Variants in TOR1AIP1 observed in about 807,000 individuals in gnomAD.
The protein encoded by TOR1AIP1 is torsin 1A interacting protein 1.
Under a neutral mutation model 63.3 loss-of-function variants are expected in TOR1AIP1, and 54 were observed. That is an observed-to-expected ratio of 0.85 (90% CI 0.69 to 1.07). TOR1AIP1 has a LOEUF of 1.07. TOR1AIP1 is among the 50% of genes least tolerant of loss of function. The probability of loss-of-function intolerance (pLI) is 0.00; values close to 1 mark genes in which losing one functional copy is unlikely to be tolerated. For missense variants in TOR1AIP1, 736 were observed against 715.0 expected (o/e 1.03, Z -0.33); for synonymous variants, 294 against 273.5 (o/e 1.07, Z -0.74).
At chr1:179,909,054 G>A (rs72708661) in intron 8 of TOR1AIP1, among the ~76,000 whole-genome samples, 18,969 of 151,986 alleles carry the variant, frequency 0.12, 1,226 homozygotes, top group Middle Eastern at 0.2. Flanking sequence ...GAGGCTACTC[G>A]GGAGGCTGAA....
Position 179,882,801 on chromosome 1 carries a change from G to T in TOR1AIP1, c.299G>T (p.Arg100Ile). 6.2e-7 allele frequency: 1 copy of T among 1,614,202 alleles called. No homozygotes were observed. Among genetic ancestry groups the T allele is most frequent in the Non-Finnish European group, 8.5e-7 (1 of 1,180,044 alleles). ...TCCGATTCTGCGAAAGAGGAAGTGA[G>T]AGAAAGCGCGTACTACCTTCGGTCT... The part of the protein sequence containing the change: ...FRSDSAKEEV[R>I]ESAYYLRSRQ... The change falls in exon 1 of 10, where the codon AGA becomes ATA. Residue 100 changes from arginine (R) to isoleucine (I), a missense_variant. Arg to Ile is a moderately conservative substitution (Grantham distance 97). Transcript: ENST00000606911.
At position 179,908,665 on chromosome 1, in the gene TOR1AIP1, G is replaced by C; in HGVS notation, c.899G>C (p.Arg300Thr). The C allele has an allele frequency of 6.2e-7, 1 of 1,613,122 alleles. No individual in the cohort carries two copies. Among genetic ancestry groups the C allele is most frequent in the Non-Finnish European group, 8.5e-7 (1 of 1,179,298 alleles). Residue 300 changes from arginine to threonine, a missense_variant, in exon 8 of 10, where the codon AGG becomes ACG. Coordinates refer to ENST00000606911, the MANE Select transcript of TOR1AIP1 (RefSeq NM_015602.4). ...CCACAAACTGCAAGAATAAGGACCA[G>C]GATGCAAAGTAAGTAGATAAATCTC... is the stretch of plus-strand genomic sequence containing the variant. ...WAPQTARIRT[R>T]MQNDSILKSE...
At chr1:179,893,261 CA>C (rs957337546) in intron 3 of TOR1AIP1, among the ~76,000 whole-genome samples, 1 of 147,178 alleles carries the variant, frequency 6.8e-6, no homozygotes, top group Non-Finnish European at 1.5e-5. Context: ...AACAAACAAA[CA>C]AACAAAAAAA....
rs758018677 is a variant in TOR1AIP1 at position 179,901,309 on chromosome 1, TGAA to T, written c.666_668del (p.Glu222del). On this transcript the variant is annotated inframe_deletion, in exon 5 of 10. Coordinates refer to ENST00000606911, the MANE Select transcript of TOR1AIP1 (RefSeq NM_015602.4). Reference sequence around the variant, plus strand: ...TTGTTTACTTCTCTTTAGGAGAAACTGAAGAAGATGATCAAGACAGCTCTCACA... The same window carrying T: ...TTGTTTACTTCTCTTTAGGAGAAACTGAAGATGATCAAGACAGCTCTCACA... The T allele has an allele frequency of 5.4e-5, 87 of 1,609,272 alleles. No homozygotes were observed. The highest frequency in any genetic ancestry group is 6.9e-5 in the Non-Finnish European group (81 of 1,177,002).
chr1:179,894,744 G>A (rs1648213454), intron 3 of TOR1AIP1, among the ~76,000 whole-genome samples: 2 of 151,856 alleles, frequency 1.3e-5, no homozygotes, highest in Non-Finnish European at 1.5e-5. Flanking sequence ...GTATTCCTTT[G>A]AGAAAGCACA....
Position 179,905,313 on chromosome 1 carries a change from G to A in TOR1AIP1, c.796+1291G>A, listed in dbSNP as rs143868913. On this transcript the variant is annotated intron_variant, in intron 6 of 9. Transcript: ENST00000606911. ...TGGCGTGAACCTGAGGGGGCAGTGC[G>A]GAGCTTGCCGTGAGCCGAGATTGTG... Among the ~76,000 whole-genome samples, 1,466 of 152,224 alleles carry A rather than the reference G, an allele frequency of 9.6e-3. 24 individuals are homozygous for A. Among genetic ancestry groups the A allele is most frequent in the African/African-American group, 0.032 (1,319 of 41,546 alleles).
At chr1:179,898,479 A>G (rs187809692) in intron 3 of TOR1AIP1, among the ~76,000 whole-genome samples, 21 of 152,330 alleles carry the variant, frequency 1.4e-4, no homozygotes, top group Non-Finnish European at 1.3e-4. Flanking sequence ...CTGCTATACA[A>G]AAATATGAAG....
At chr1:179,912,737 A>G (rs1001982310) in intron 8 of TOR1AIP1, among the ~76,000 whole-genome samples, 2 of 152,204 alleles carry the variant, frequency 1.3e-5, no homozygotes, top group African/African-American at 4.8e-5. Flanking sequence ...GAAAAACAGT[A>G]TTCCTCTTAC....
chr1:179,901,248 G>A, intron 4 of TOR1AIP1, 54 bp from the exon 5 acceptor site: 1 of 1,199,608 alleles, frequency 8.3e-7, no homozygotes, highest in South Asian at 1.7e-5. Context: ...TTTAAATTCA[G>A]ATCTTCTGAG....
At position 179,882,776 on chromosome 1, in the gene TOR1AIP1, T is replaced by A. The variant is rs775375281; in HGVS notation, c.274T>A (p.Ser92Thr). ...GKRTRLEEFRSDSAKEEVRES... is the reference protein window; with the variant it reads ...GKRTRLEEFRTDSAKEEVRES... ...ACGAACCCGGCTAGAAGAGTTCCGG[T>A]CCGATTCTGCGAAAGAGGAAGTGAG... Residue 92 changes from serine to threonine, a missense_variant, in exon 1 of 10, where the codon TCC becomes ACC. Ser to Thr is a moderately conservative substitution (Grantham distance 58). Transcript: ENST00000606911. 12 of 1,613,802 alleles carry A rather than the reference T, an allele frequency of 7.4e-6. No individual in the cohort carries two copies. Among genetic ancestry groups the A allele is most frequent in the Non-Finnish European group, 1.0e-5 (12 of 1,180,006 alleles).
intron 4 of TOR1AIP1, 62 bp from the exon 5 acceptor site, chr1:179,901,240 T>TG: frequency 8.7e-7 from 1 of 1,153,200 alleles, no homozygotes; most frequent in South Asian, 1.8e-5. Context: ...TTGGTTTTTT[T>TG]AAATTCAGAT....
rs907886454 is a variant in TOR1AIP1 at position 179,900,282 on chromosome 1, C to T, written c.652+115C>T. On this transcript the variant is annotated intron_variant, in intron 4 of 9. Transcript: ENST00000606911. ...ACAGAGCCGGGGACTGTGGCACATG[C>T]CTGTAGTCTCAGCTACTCGGGAGGC... 6 of 653,300 alleles carry T rather than the reference C, an allele frequency of 9.2e-6. No individual in the cohort carries two copies. The African/African-American group carries it at 1.1e-4, about 12-fold the overall frequency. 40.5% of individuals were successfully genotyped at this position (653,300 alleles called of 1,614,324 possible). A position where few individuals can be genotyped will look rare whatever the true frequency, so the allele number is the denominator to read the frequency against.
intron 3 of TOR1AIP1, among the ~76,000 whole-genome samples, chr1:179,899,924 C>T (rs113830645): frequency 3.9e-5 from 6 of 152,296 alleles, no homozygotes; most frequent in African/African-American, 1.2e-4. Context: ...GGATTATAGG[C>T]GTGAGCCACT....
exon 10 of TOR1AIP1, chr1:179,920,071 ACTCT>A (rs1478822828): frequency 2.6e-5 from 4 of 152,120 alleles, no homozygotes; most frequent in African/African-American, 9.7e-5. Context: ...CTTGGTTTAT[ACTCT>A]CTATGTGTTA....
chr1:179,912,634 G>T (rs1161944843), intron 8 of TOR1AIP1, among the ~76,000 whole-genome samples: 2 of 152,078 alleles, frequency 1.3e-5, no homozygotes, highest in Non-Finnish European at 2.9e-5. Flanking sequence ...GTTTCATGTG[G>T]TTAGGTATTT....
intron 3 of TOR1AIP1, among the ~76,000 whole-genome samples, chr1:179,892,248 G>A (rs1376584219): frequency 6.6e-6 from 1 of 152,060 alleles, no homozygotes; most frequent in Non-Finnish European, 1.5e-5. Flanking sequence ...GAGGTGGGCA[G>A]ATCACCTGAG....
intron 8 of TOR1AIP1, among the ~76,000 whole-genome samples, chr1:179,911,211 G>T (rs1180897339): frequency 1.3e-5 from 2 of 152,166 alleles, no homozygotes; most frequent in Non-Finnish European, 2.9e-5. Flanking sequence ...TATTTTCAAT[G>T]GAAGTGGAAG....
chr1:179,895,972 T>C (rs1466101906), intron 3 of TOR1AIP1, among the ~76,000 whole-genome samples: 1 of 149,992 alleles, frequency 6.7e-6, no homozygotes, highest in Non-Finnish European at 1.5e-5. Flanking sequence ...TTTCGACATG[T>C]AGCAGCCAAG....
intron 3 of TOR1AIP1, among the ~76,000 whole-genome samples, chr1:179,895,055 G>A (rs1258157996): frequency 1.3e-5 from 2 of 152,222 alleles, no homozygotes; most frequent in African/African-American, 4.8e-5. Context: ...TAGAGGCGAT[G>A]ACTGTTAAGT....
Sources: gnomAD v4.1 joint callset for allele counts (sites outside exome capture counted in the v4.1 genomes callset) on GRCh38, gnomAD v4.1.1 for gene constraint, MANE v1.5 for transcripts, NCBI Gene and HGNC (gene_info 2026-07-23, HGNC 2026-07-21) for gene names.